Variants in PALS2 observed in about 807,000 individuals in gnomAD.
The protein encoded by PALS2 is protein associated with LIN7 2, MAGUK p55 family member, also known as protein PALS2.
In PALS2, 27 loss-of-function variants were observed where a neutral mutation model predicts 61.6. That is an observed-to-expected ratio of 0.44 (90% CI 0.32 to 0.60). The LOEUF (loss-of-function observed/expected upper bound fraction) is 0.60. Among genes scored for constraint, PALS2 ranks in the 20% least tolerant of loss-of-function variants. PALS2 has a pLI of 0.05. For missense variants in PALS2, 554 were observed against 639.4 expected (o/e 0.87, Z 1.44); for synonymous variants, 236 against 218.6 (o/e 1.08, Z -0.70).
At chr7:24,666,162 A>G (rs1787006717) in intron 8 of PALS2, 73 bp downstream of exon 8, 1 of 1,338,774 alleles carries the variant, frequency 7.5e-7, no homozygotes, top group South Asian at 1.2e-5. Flanking sequence ...TAAACTCTGA[A>G]TATACAGCTT....
chr7:24,641,617 A>C (rs1204658813), intron 2 of PALS2, 99 bp from the exon 3 acceptor site: 1 of 1,057,894 alleles, frequency 9.5e-7, no homozygotes, highest in African/African-American at 1.6e-5. Flanking sequence ...TTAAATCTCC[A>C]AGTAATATAT....
chr7:24,634,294 G>A (rs1466405965), intron 2 of PALS2, among the ~76,000 whole-genome samples: 1 of 151,974 alleles, frequency 6.6e-6, no homozygotes, highest in Non-Finnish European at 1.5e-5. Flanking sequence ...GCAGTGGCAC[G>A]ATCTCGGCCC....
At chr7:24,651,336 T>G (rs1261844576) in intron 5 of PALS2, among the ~76,000 whole-genome samples, 1 of 152,154 alleles carries the variant, frequency 6.6e-6, no homozygotes, top group African/African-American at 2.4e-5. Context: ...GTGAGGTGAT[T>G]TGTGAACAAC....
intron 1 of PALS2, among the ~76,000 whole-genome samples, chr7:24,617,327 C>A (rs1160243616): frequency 6.6e-6 from 1 of 152,090 alleles, no homozygotes; most frequent in African/African-American, 2.4e-5. Context: ...TTTTGTATCT[C>A]ACTGTTTCCT....
At chr7:24,669,167 A>G (rs1389155768) in intron 9 of PALS2, among the ~76,000 whole-genome samples, 2 of 152,230 alleles carry the variant, frequency 1.3e-5, no homozygotes, top group African/African-American at 2.4e-5. Context: ...TGCAGGCAGC[A>G]TTCATTAAGG....
chr7:24,590,934 G>A (rs1783261264), intron 1 of PALS2, among the ~76,000 whole-genome samples: 2 of 151,482 alleles, frequency 1.3e-5, no homozygotes, highest in Admixed American at 6.6e-5. Flanking sequence ...ATTTTCAAGG[G>A]TACCTTCTTT....
chr7:24,680,596 T>TTTTA (rs1169680054), intron 11 of PALS2, 76 bp downstream of exon 11: 1 of 1,469,856 alleles, frequency 6.8e-7, no homozygotes, highest in Non-Finnish European at 9.1e-7. Flanking sequence ...TCTAATTTAT[T>TTTTA]TTTATTTATT....
intron 1 of PALS2, among the ~76,000 whole-genome samples, chr7:24,575,426 T>C (rs1275618731): frequency 2.0e-5 from 3 of 152,218 alleles, no homozygotes. Flanking sequence ...AGTTTGCTTC[T>C]GAGTCTCATT....
Position 24,647,151 on chromosome 7 carries a change from A to AG in PALS2, c.271-2461_271-2460insG, listed in dbSNP as rs1554307305. 2.2e-4 allele frequency among the ~76,000 whole-genome samples: 31 copies of AG among 139,664 alleles called. 1 individual carries two copies. The South Asian group carries it at 6.6e-3, about 30-fold the overall frequency. The allele number at this position is 139,664 out of a possible 152,430, so 91.6% of individuals were successfully genotyped here. On this transcript the variant is annotated intron_variant, in intron 3 of 11. Transcript: ENST00000222644. ...TTGTTGTTTTAATTTAATTTAATTA[A>AG]TTTTTTTTTTTTTTTGAGATGGAGT...
chr7:24,590,681 G>A (rs1281593354), intron 1 of PALS2, among the ~76,000 whole-genome samples: 1 of 152,032 alleles, frequency 6.6e-6, no homozygotes, highest in Non-Finnish European at 1.5e-5. Context: ...ATGTGGGAAG[G>A]TCTAAGTTGC....
intron 2 of PALS2, among the ~76,000 whole-genome samples, chr7:24,634,763 T>C (rs1330799707): frequency 6.6e-6 from 1 of 152,186 alleles, no homozygotes; most frequent in Non-Finnish European, 1.5e-5. Flanking sequence ...GTCTTTTACA[T>C]GTGCTTCTCT....
intron 1 of PALS2, among the ~76,000 whole-genome samples, chr7:24,598,715 TAC>T (rs1360056116): frequency 2.0e-5 from 3 of 152,214 alleles, no homozygotes; most frequent in African/African-American, 7.2e-5. Flanking sequence ...GTTTTATGTG[TAC>T]ACACACAATC....
At chr7:24,680,045 T>G (rs1052362697) in intron 10 of PALS2, among the ~76,000 whole-genome samples, 1 of 152,200 alleles carries the variant, frequency 6.6e-6, no homozygotes, top group African/African-American at 2.4e-5. Flanking sequence ...GAATATATAT[T>G]CATTTAACCA....
In PALS2 at chr7:24,591,413, T is replaced by C. The variant is rs145554965; in HGVS notation, c.-3+17820T>C. On this transcript the variant is annotated intron_variant, in intron 1 of 11. Transcript: ENST00000222644. ...ACATACGTGGGCTCTTACCATAAAG[T>C]CTAGCTATATAAAGCAAATCACATT... Among the ~76,000 whole-genome samples the C allele has an allele frequency of 1.5e-3, 235 of 152,170 alleles. 1 individual carries two copies. The highest frequency in any genetic ancestry group is 5.5e-3 in the African/African-American group (228 of 41,522).
intron 4 of PALS2, 94 bp downstream of exon 4, chr7:24,649,858 A>T (rs1051982650): frequency 8.3e-7 from 1 of 1,202,986 alleles, no homozygotes; most frequent in East Asian, 2.7e-5. Flanking sequence ...TCCTTTTCAT[A>T]ATGTTATGAA....
At chr7:24,625,582 C>T (rs188190925) in intron 2 of PALS2, among the ~76,000 whole-genome samples, 14 of 152,182 alleles carry the variant, frequency 9.2e-5, no homozygotes, top group Middle Eastern at 3.4e-3. Flanking sequence ...ACTCCAACAC[C>T]GGGTGATGGG....
intron 1 of PALS2, among the ~76,000 whole-genome samples, chr7:24,590,788 CTACT>C: frequency 6.6e-6 from 1 of 151,798 alleles, no homozygotes; most frequent in Non-Finnish European, 1.5e-5. Flanking sequence ...ACTTCAGTAC[CTACT>C]TACTAGTTTG....
intron 1 of PALS2, among the ~76,000 whole-genome samples, chr7:24,612,751 A>G (rs940670049): frequency 2.0e-5 from 3 of 151,856 alleles, no homozygotes; most frequent in Non-Finnish European, 4.4e-5. Context: ...TGATTTCTTC[A>G]GACCTTTCTG....
chr7:24,576,149 G>T (rs187957820), intron 1 of PALS2, among the ~76,000 whole-genome samples: 1 of 152,272 alleles, frequency 6.6e-6, no homozygotes, highest in Admixed American at 6.5e-5. Flanking sequence ...TTAACTGTAG[G>T]TTCTTTAGAA....
Sources: allele counts gnomAD v4.1 joint callset (sites outside exome capture counted in the v4.1 genomes callset), GRCh38; gene constraint gnomAD v4.1.1; transcripts MANE v1.5; gene names NCBI Gene and HGNC (gene_info 2026-07-23, HGNC 2026-07-21).